The following HDLBP variants were observed in gnomAD, a reference collection of about 807,000 sequenced individuals.
The protein encoded by HDLBP is vigilin.
A neutral mutation model predicts 137.3 loss-of-function variants in HDLBP; 30 were observed. The ratio of observed to expected loss-of-function variants is 0.22; its 90% CI spans 0.16 to 0.30. HDLBP has a LOEUF of 0.30. Ranked by LOEUF, HDLBP falls within the 10% of genes least tolerant of loss-of-function variation. The pLI is 1.00. For synonymous variants in HDLBP, 606 were observed against 596.0 expected, an observed-to-expected ratio of 1.02 and a Z score of -0.24; for missense variants, 1,119 against 1,667.3, an observed-to-expected ratio of 0.67 and a Z score of 5.73.
In HDLBP at chr2:241,255,005, G is replaced by T. The variant is rs1032279958; in HGVS notation, c.1188+46C>A. On this transcript the variant is annotated intron_variant, in intron 9 of 27. Coordinates refer to ENST00000310931, the MANE Select transcript of HDLBP (RefSeq NM_005336.6). ...AAGCAATATCAGAAACAGAAAGACA[G>T]AAAACAAGACAAATTCAATACAACA... is the stretch of plus-strand genomic sequence containing the variant. 6 of 1,407,862 alleles carry T rather than the reference G, an allele frequency of 4.3e-6. No individual in the cohort carries two copies. In the Admixed American group the frequency reaches 1.0e-4, roughly 24 times the overall value. 87.2% of individuals were successfully genotyped at this position (1,407,862 alleles called of 1,614,324 possible).
Position 241,272,394 on chromosome 2 carries a change from C to A in HDLBP, c.-102-3853G>T. The A allele has an allele frequency of 1.0e-6, 1 of 984,404 alleles. No individual in the cohort carries two copies. Among genetic ancestry groups the A allele is most frequent in the Non-Finnish European group, 1.2e-6 (1 of 829,564 alleles). The allele number at this position is 984,404 out of a possible 1,614,324, so 61.0% of individuals were successfully genotyped here. A position where few individuals can be genotyped will look rare whatever the true frequency, so the allele number is the denominator to read the frequency against. ...AGGTCGGCCGCCCCTCCGCGCCGTG[C>A]GGCCACGGCACCAGGGGTGCCCCAC... On this transcript the variant is annotated intron_variant, in intron 1 of 27. Transcript: ENST00000310931. The surrounding 1 kb of genome is among the most constrained non-coding windows in gnomAD (Gnocchi z 5.6).
rs777767470 is a variant in HDLBP at position 241,246,783 on chromosome 2, C to T, written c.1919G>A (p.Arg640Gln). Residue 640 changes from arginine to glutamine, a missense_variant, in exon 16 of 28, where the codon CGG (arginine) becomes CAG (glutamine). This residue lies in a region of HDLBP where 425 missense variants were observed against 693.9 expected (regional missense o/e 0.61). Coordinates refer to ENST00000310931, the MANE Select transcript of HDLBP (RefSeq NM_005336.6). ...TGKRANCEAA[R>Q]SRILSIQKDL... ...TTTCTGAATAGACAGAATCCTGCTC[C>T]GGGCAGCTTCGCAGTTGGCTCGCTT... is the stretch of plus-strand genomic sequence containing the variant. The T allele has an allele frequency of 1.2e-6, 2 of 1,614,170 alleles. No homozygotes were observed.
Position 241,240,140 on chromosome 2 carries a change from A to G in HDLBP, c.2170-18T>C. 1.2e-6 allele frequency: 2 copies of G among 1,612,784 alleles called. No individual in the cohort carries two copies. Among genetic ancestry groups the G allele is most frequent in the Non-Finnish European group, 1.7e-6 (2 of 1,178,804 alleles). Reference sequence around the variant, plus strand: ...TTGGTTTGCTGCAGAAACCAATCCCACTGTGTTAGCCTGACACCACGTGCC... The same window carrying G: ...TTGGTTTGCTGCAGAAACCAATCCCGCTGTGTTAGCCTGACACCACGTGCC... On this transcript the variant is annotated intron_variant, in intron 17 of 27. Transcript: ENST00000310931. This position sits in a 1 kb window ranked among gnomAD's most constrained non-coding sequence, Gnocchi z 5.5.
At chr2:241,308,798 T>A (rs1012163140) in intron 1 of HDLBP, among the ~76,000 whole-genome samples, 7 of 152,072 alleles carry the variant, frequency 4.6e-5, no homozygotes, top group Admixed American at 6.5e-5. Context: ...ACAGGAAAAG[T>A]AAGAAATGTC....
rs1437880806 is a variant in HDLBP at position 241,272,691 on chromosome 2, C to T, written c.-102-4150G>A. The T allele has an allele frequency of 2.6e-6, 2 of 756,070 alleles. No homozygotes were observed. Among genetic ancestry groups the T allele is most frequent in the Non-Finnish European group, 3.2e-6 (2 of 625,352 alleles). 46.8% of individuals were successfully genotyped at this position (756,070 alleles called of 1,614,324 possible). A position where few individuals can be genotyped will look rare whatever the true frequency, so the allele number is the denominator to read the frequency against. On this transcript the variant is annotated intron_variant, in intron 1 of 27. Coordinates refer to ENST00000310931, the MANE Select transcript of HDLBP (RefSeq NM_005336.6). The surrounding 1 kb of genome is among the most constrained non-coding windows in gnomAD (Gnocchi z 5.6). Reference sequence around the variant, plus strand: ...CACGTCAGCAGCCACCCCCCACCCCCCCGCCCGGCAGCCCGCCCGCCCCGT... The same window carrying T: ...CACGTCAGCAGCCACCCCCCACCCCTCCGCCCGGCAGCCCGCCCGCCCCGT...
chr2:241,231,078 CAA>C lies in HDLBP; in HGVS notation c.3289-136_3289-135del, dbSNP rs150092597. On this transcript the variant is annotated intron_variant, in intron 24 of 27. Transcript: ENST00000310931. Reference sequence around the variant, plus strand: ...AAGCAACGTCACGGCTGATTTAAAACAAGAGGTTAACAATGTCCACTCAGGGC... The same window carrying C: ...AAGCAACGTCACGGCTGATTTAAAACGAGGTTAACAATGTCCACTCAGGGC... 5,964 of 768,916 alleles carry C rather than the reference CAA, an allele frequency of 7.8e-3. 45 individuals are homozygous for C. The highest frequency in any genetic ancestry group is 0.032 in the African/African-American group (1,875 of 57,812). The allele number at this position is 768,916 out of a possible 1,614,324, so 47.6% of individuals were successfully genotyped here. A position where few individuals can be genotyped will look rare whatever the true frequency, so the allele number is the denominator to read the frequency against.
At position 241,235,456 on chromosome 2, in the gene HDLBP, T is replaced by A. The variant is rs758070641; in HGVS notation, c.3009+34A>T. 2.0e-6 allele frequency: 3 copies of A among 1,536,742 alleles called. No homozygotes were observed. The South Asian group carries it at 3.4e-5, about 17-fold the overall frequency. The stretch of plus-strand genomic sequence containing the variant: ...CTCGGGAGAGGATGCGACAGGCCAC[T>A]CCTGTGACATGGCCTCCCGGGAAAG... On this transcript the variant is annotated intron_variant, in intron 22 of 27. Transcript: ENST00000310931.
chr2:241,277,322 A>G (rs146268881), intron 1 of HDLBP, among the ~76,000 whole-genome samples: 94 of 152,294 alleles, frequency 6.2e-4, no homozygotes, highest in Middle Eastern at 3.4e-3. Context: ...AAAGAAAGGT[A>G]GAAGGAAATA....
At chr2:241,257,893 C>G (rs1396363783) in intron 5 of HDLBP, among the ~76,000 whole-genome samples, 1 of 152,050 alleles carries the variant, frequency 6.6e-6, no homozygotes, top group South Asian at 2.1e-4. Context: ...AACTGAAAAC[C>G]CAGAAACAGA....
intron 4 of HDLBP, among the ~76,000 whole-genome samples, chr2:241,263,743 G>A (rs1401377775): frequency 2.6e-5 from 4 of 152,120 alleles, no homozygotes; most frequent in African/African-American, 9.7e-5. Context: ...AGAGAGAAGG[G>A]CTACTGAAGC....
rs372630112 is a variant in HDLBP at position 241,230,288 on chromosome 2, G to A, written c.3475-19C>T. 13 of 1,430,994 alleles carry A rather than the reference G, an allele frequency of 9.1e-6. No individual in the cohort carries two copies. The highest frequency in any genetic ancestry group is 1.4e-5 in the African/African-American group (1 of 70,558). The allele number at this position is 1,430,994 out of a possible 1,614,324, so 88.6% of individuals were successfully genotyped here. On this transcript the variant is annotated intron_variant, in intron 25 of 27. Coordinates refer to ENST00000310931, the MANE Select transcript of HDLBP (RefSeq NM_005336.6). The surrounding 1 kb of genome is among the most constrained non-coding windows in gnomAD (Gnocchi z 5.0). ...TGTCCACCTGGAAGGGGTGTACAAC[G>A]TCAGATGAGGGGACTCCAAGCGAGG...
At chr2:241,287,963 C>T (rs2074884244) in intron 1 of HDLBP, among the ~76,000 whole-genome samples, 13 of 152,186 alleles carry the variant, frequency 8.5e-5, no homozygotes. Context: ...TGAAAAATGG[C>T]ACATATTCCT....
In HDLBP at chr2:241,233,069, CCAGGGGGTTTGCTGT is replaced by C. The variant is rs1473066149; in HGVS notation, c.3288+736_3288+750del. On this transcript the variant is annotated intron_variant, in intron 24 of 27. Coordinates refer to ENST00000310931, the MANE Select transcript of HDLBP (RefSeq NM_005336.6). This position sits in a 1 kb window ranked among gnomAD's most constrained non-coding sequence, Gnocchi z 4.3. ...CGAGGGGCGTGGAGGGGCTCTGCTG[CCAGGGGGTTTGCTGT>C]TTCTGGAAACCAGCACAACTGTGGC... Among the ~76,000 whole-genome samples the C allele has an allele frequency of 6.6e-6, 1 of 151,794 alleles. No individual in the cohort carries two copies. Among genetic ancestry groups the C allele is most frequent in the Non-Finnish European group, 1.5e-5 (1 of 67,844 alleles).
intron 1 of HDLBP, among the ~76,000 whole-genome samples, chr2:241,296,360 G>T (rs745499317): frequency 4.6e-5 from 7 of 152,166 alleles, no homozygotes; most frequent in Non-Finnish European, 1.0e-4. Flanking sequence ...ATTTCAGCTG[G>T]ATTGGAGATC....
chr2:241,227,713 GAA>G lies in HDLBP; in HGVS notation c.*1886_*1887del, dbSNP rs1243904205. 1 of 152,600 alleles carries G rather than the reference GAA, an allele frequency of 6.6e-6. No individual in the cohort carries two copies. The allele number at this position is 152,600 out of a possible 1,614,324, so 9.5% of individuals were successfully genotyped here. A position where few individuals can be genotyped will look rare whatever the true frequency, so the allele number is the denominator to read the frequency against. The stretch of plus-strand genomic sequence containing the variant: ...GGGCAGGATGTTTTATGACACTGTA[GAA>G]AAGACAGGAGGAACCCGCTGCGATG... On this transcript the variant is annotated 3_prime_UTR_variant, in exon 28 of 28. Coordinates refer to ENST00000310931, the MANE Select transcript of HDLBP (RefSeq NM_005336.6).
intron 16 of HDLBP, among the ~76,000 whole-genome samples, chr2:241,246,297 G>C (rs1559496630): frequency 6.6e-6 from 1 of 152,272 alleles, no homozygotes; most frequent in East Asian, 1.9e-4. Context: ...GTTTTCAGGA[G>C]CTGCCAAGTG....
At chr2:241,245,263 A>C (rs919406726) in intron 16 of HDLBP, among the ~76,000 whole-genome samples, 5 of 151,370 alleles carry the variant, frequency 3.3e-5, no homozygotes, top group African/African-American at 1.2e-4. Flanking sequence ...AGCTCACTGC[A>C]ACCTCCACCT....
At chr2:241,267,049 T>C (rs2073726980) in intron 2 of HDLBP, 143 bp from the exon 3 acceptor site, 2 of 647,856 alleles carry the variant, frequency 3.1e-6, no homozygotes, top group Middle Eastern at 7.8e-4. Context: ...ACCTCTGATG[T>C]AAGCTGATAC....
In HDLBP at chr2:241,242,579, C is replaced by T. The variant is rs1266133167; in HGVS notation, c.2050G>A (p.Gly684Ser). 5 of 1,614,228 alleles carry T rather than the reference C, an allele frequency of 3.1e-6. No individual in the cohort carries two copies. The highest frequency in any genetic ancestry group is 1.1e-5 in the South Asian group (1 of 91,088). The part of the protein sequence containing the change: ...RLIRSIMEEC[G>S]GVHIHFPVEG... ...ACGGGAAAGTGAATGTGGACCCCGC[C>T]GCACTCCTCCATGATGGAGCGGATC... Residue 684 changes from glycine to serine, a missense_variant, in exon 17 of 28, where the codon GGC (glycine) becomes AGC (serine). Around this residue, in one of 4 missense-constraint regions of HDLBP, gnomAD observed 618 missense variants for 816.7 expected, o/e 0.76. Transcript: ENST00000310931.
Sources: gnomAD v4.1 joint callset for allele counts (sites outside exome capture counted in the v4.1 genomes callset) on GRCh38, gnomAD v4.1.1 for gene constraint, gnomAD v4.1.1 regional missense constraint, Gnocchi (gnomAD v3.1) non-coding constraint, MANE v1.5 for transcripts, NCBI Gene and HGNC (gene_info 2026-07-23, HGNC 2026-07-21) for gene names.